The following SUPT3H variants were observed in gnomAD, a reference collection of about 807,000 sequenced individuals.
The protein encoded by SUPT3H is transcription initiation protein SPT3 homolog.
SUPT3H carries 44 observed loss-of-function variants against 44.3 expected under a neutral mutation model. That is an observed-to-expected ratio of 0.99 (90% confidence interval 0.78 to 1.28). The LOEUF is 1.28. Ranked by LOEUF, SUPT3H falls within the 50% of genes most tolerant of loss-of-function variation. SUPT3H has a pLI of 0.00. For synonymous variants in SUPT3H, 124 were observed against 125.6 expected (o/e 0.99, Z 0.09); for missense variants, 380 against 387.1 (o/e 0.98, Z 0.15).
chr6:45,060,136 C>T (rs916018344), intron 3 of SUPT3H, among the ~76,000 whole-genome samples: 3 of 151,962 alleles, frequency 2.0e-5, no homozygotes, highest in Non-Finnish European at 2.9e-5. Flanking sequence ...GCCCGTATAG[C>T]CAAGACAATC....
chr6:45,019,566 A>G (rs1228918290), intron 4 of SUPT3H, among the ~76,000 whole-genome samples: 1 of 152,054 alleles, frequency 6.6e-6, no homozygotes, highest in Non-Finnish European at 1.5e-5. Context: ...TACACTTAGA[A>G]TGTATTATCA....
chr6:45,134,195 A>T (rs1803917093), intron 2 of SUPT3H, among the ~76,000 whole-genome samples: 1 of 152,180 alleles, frequency 6.6e-6, no homozygotes, highest in Admixed American at 6.6e-5. Flanking sequence ...AAAGGGCAAG[A>T]GAGTGCAAGG....
chr6:45,144,347 G>A (rs183659220), intron 2 of SUPT3H, among the ~76,000 whole-genome samples: 21 of 151,644 alleles, frequency 1.4e-4, no homozygotes, highest in Non-Finnish European at 2.4e-4. Flanking sequence ...AATATATCAC[G>A]ATCAAGTGGG....
intron 2 of SUPT3H, among the ~76,000 whole-genome samples, chr6:45,220,880 C>T (rs1765931430): frequency 6.6e-6 from 1 of 152,132 alleles, no homozygotes; most frequent in South Asian, 2.1e-4. Flanking sequence ...TGGGTATATA[C>T]CCAAAGGATT....
In SUPT3H at chr6:45,100,644, G is replaced by A. The variant is rs151298212; in HGVS notation, c.186+5278C>T. On this transcript the variant is annotated intron_variant, in intron 3 of 10. Transcript: ENST00000371459. ...GGGAAATGCAAATGAAAACAACAAT[G>A]AAATAATCACCTCACCCTAATTATT... 2.3e-3 allele frequency among the ~76,000 whole-genome samples: 321 copies of A among 141,360 alleles called. 1 individual carries two copies. Among genetic ancestry groups the A allele is most frequent in the African/African-American group, 8.2e-3 (307 of 37,562 alleles). The allele number at this position is 141,360 out of a possible 152,430, so 92.7% of individuals were successfully genotyped here.
chr6:45,315,970 T>TAGATAGAC (rs1562940822), intron 2 of SUPT3H, among the ~76,000 whole-genome samples: 2 of 148,886 alleles, frequency 1.3e-5, no homozygotes, highest in East Asian at 4.0e-4. Flanking sequence ...GATAGATAGA[T>TAGATAGAC]AGATGATGGA....
At chr6:45,136,762 TA>T (rs1562529606) in intron 2 of SUPT3H, among the ~76,000 whole-genome samples, 1 of 151,318 alleles carries the variant, frequency 6.6e-6, no homozygotes, top group African/African-American at 2.4e-5. Flanking sequence ...ACAAAATGAG[TA>T]AAAAAGAAAT....
intron 6 of SUPT3H, among the ~76,000 whole-genome samples, chr6:44,980,326 A>G (rs935794531): frequency 6.6e-6 from 1 of 151,980 alleles, no homozygotes; most frequent in East Asian, 1.9e-4. Flanking sequence ...AATTTATGTG[A>G]AACAACATAT....
At chr6:44,910,750 T>C (rs889914626) in intron 10 of SUPT3H, among the ~76,000 whole-genome samples, 1 of 151,376 alleles carries the variant, frequency 6.6e-6, no homozygotes, top group Non-Finnish European at 1.5e-5. Flanking sequence ...CCCCAGCACT[T>C]TATGAGGCCG....
intron 5 of SUPT3H, among the ~76,000 whole-genome samples, chr6:45,011,049 T>C (rs1163395403): frequency 6.6e-6 from 1 of 152,156 alleles, no homozygotes; most frequent in Non-Finnish European, 1.5e-5. Context: ...AACAACTTTA[T>C]ATCCCTATGA....
chr6:44,916,972 A>AAAACAAACAAACAAACAAAC (rs111992171), intron 10 of SUPT3H, among the ~76,000 whole-genome samples: 18 of 150,958 alleles, frequency 1.2e-4, no homozygotes, highest in African/African-American at 4.2e-4. Flanking sequence ...GTCTCTACAA[A>AAAACAAACAAACAAACAAAC]AAACAAACAA....
intron 10 of SUPT3H, among the ~76,000 whole-genome samples, chr6:44,877,029 T>C (rs142237310): frequency 1.3e-5 from 2 of 152,336 alleles, no homozygotes; most frequent in Admixed American, 6.5e-5. Context: ...TTGACAGTTA[T>C]GTCTAGTGTA....
At chr6:45,112,557 A>T (rs927601797) in intron 2 of SUPT3H, among the ~76,000 whole-genome samples, 2 of 152,144 alleles carry the variant, frequency 1.3e-5, no homozygotes, top group Non-Finnish European at 2.9e-5. Flanking sequence ...GGAAGGACTG[A>T]TTAAGTTTCT....
chr6:44,884,626 G>A (rs1778827535), intron 10 of SUPT3H, among the ~76,000 whole-genome samples: 1 of 152,142 alleles, frequency 6.6e-6, no homozygotes, highest in South Asian at 2.1e-4. Flanking sequence ...AGAAAATGTG[G>A]ATCAGGAGCC....
chr6:45,211,784 C>T (rs766047208), intron 2 of SUPT3H, among the ~76,000 whole-genome samples: 2 of 151,570 alleles, frequency 1.3e-5, no homozygotes, highest in African/African-American at 2.4e-5. Context: ...CGGAGGCGGA[C>T]GTTGCAGTAA....
chr6:45,162,225 A>AAAG (rs139564646), intron 2 of SUPT3H, among the ~76,000 whole-genome samples: 34 of 152,078 alleles, frequency 2.2e-4, no homozygotes, highest in East Asian at 5.8e-4. Flanking sequence ...CTCATTAAAA[A>AAAG]AAGAAGAAGA....
At chr6:44,823,814 T>A (rs1338416729), downstream of SUPT3H, among the ~76,000 whole-genome samples, 1 of 151,884 alleles carries the variant, frequency 6.6e-6, no homozygotes, top group Non-Finnish European at 1.5e-5. Context: ...ATACAAAAAA[T>A]TAGCTGGGCG....
intron 2 of SUPT3H, among the ~76,000 whole-genome samples, chr6:45,147,970 A>G (rs1241824893): frequency 6.6e-6 from 1 of 152,174 alleles, no homozygotes; most frequent in African/African-American, 2.4e-5. Flanking sequence ...AAATTAAGCA[A>G]TAAGAACATG....
At chr6:44,963,479 G>A (rs1365015420) in intron 6 of SUPT3H, among the ~76,000 whole-genome samples, 1 of 152,162 alleles carries the variant, frequency 6.6e-6, no homozygotes, top group East Asian at 1.9e-4. Context: ...GACAGAGTGA[G>A]ACTCCGTCTC....
Sources: gnomAD v4.1 joint callset for allele counts (sites outside exome capture counted in the v4.1 genomes callset) on GRCh38, gnomAD v4.1.1 for gene constraint, MANE v1.5 for transcripts, NCBI Gene and HGNC (gene_info 2026-07-23, HGNC 2026-07-21) for gene names.